The following DOCK8 variants were observed in gnomAD, a reference collection of about 807,000 sequenced individuals.
DOCK8 encodes dedicator of cytokinesis protein 8.
Under a neutral mutation model 245.6 loss-of-function variants are expected in DOCK8, and 141 were observed. The ratio of observed to expected loss-of-function variants is 0.57; its 90% confidence interval spans 0.50 to 0.66. The LOEUF is 0.66. DOCK8 is among the 30% of genes least tolerant of loss of function. The pLI, the probability that DOCK8 is intolerant of heterozygous loss-of-function variation, is 0.00. For missense variants in DOCK8, 2,965 were observed against 2,603.4 expected, an observed-to-expected ratio of 1.14 and a Z score of -3.02; for synonymous variants, 1,168 against 970.2, an observed-to-expected ratio of 1.20 and a Z score of -3.79.
chr9:388,553 A>AT (rs756868705), intron 23 of DOCK8, among the ~76,000 whole-genome samples: 6,996 of 144,620 alleles, frequency 0.048, 283 homozygotes, highest in African/African-American at 0.12. Context: ...TCTGTGGGTA[A>AT]TTTTTTTTTT....
At chr9:344,922 G>T (rs953024582) in intron 14 of DOCK8, among the ~76,000 whole-genome samples, 8 of 152,010 alleles carry the variant, frequency 5.3e-5, no homozygotes, top group African/African-American at 1.2e-4. Context: ...CGTGGTGGTG[G>T]GTGCCTGTAA....
At chr9:289,464 G>C (rs1229405546) in intron 3 of DOCK8, 46 bp from the exon 4 acceptor site, 1 of 1,510,122 alleles carries the variant, frequency 6.6e-7, no homozygotes, top group Admixed American at 1.7e-5. Flanking sequence ...TTGTTTTGTT[G>C]TTTTACCCAG....
At position 311,818 on chromosome 9, in the gene DOCK8, G is replaced by C. The variant is rs2050126177; in HGVS notation, c.529-136G>C. Reference sequence around the variant, plus strand: ...AGATGTCATTCTTATCAAATCCGCAGTTTCTTCAGAAGACTTGAGGCCTGG... The same window carrying C: ...AGATGTCATTCTTATCAAATCCGCACTTTCTTCAGAAGACTTGAGGCCTGG... On this transcript the variant is annotated intron_variant, in intron 5 of 47. Transcript: ENST00000432829. 3 of 1,072,924 alleles carry C rather than the reference G, an allele frequency of 2.8e-6. No homozygotes were observed. The South Asian group carries it at 3.8e-5, about 13-fold the overall frequency. 66.5% of individuals were successfully genotyped at this position (1,072,924 alleles called of 1,614,324 possible).
At chr9:410,330 CAT>C in intron 28 of DOCK8, among the ~76,000 whole-genome samples, 1 of 152,166 alleles carries the variant, frequency 6.6e-6, no homozygotes, top group South Asian at 2.1e-4. Context: ...TGTTGAATTT[CAT>C]AGTCTTTTGC....
intron 13 of DOCK8, 75 bp downstream of exon 13, chr9:339,174 C>T (rs1328242432): frequency 8.1e-7 from 1 of 1,234,178 alleles, no homozygotes; most frequent in East Asian, 2.4e-5. Context: ...TTGTCTAATG[C>T]CAGAATTTAT....
In DOCK8 at chr9:436,957, A is replaced by G. The variant is rs182368072; in HGVS notation, c.5079+1982A>G. Among the ~76,000 whole-genome samples the G allele has an allele frequency of 4.8e-4, 73 of 152,302 alleles. 1 individual carries two copies. Among genetic ancestry groups the G allele is most frequent in the African/African-American group, 1.7e-3 (71 of 41,552 alleles). On this transcript the variant is annotated intron_variant, in intron 39 of 47. Transcript: ENST00000432829. ...TCAGGGAAGGGTGAAGAAGGTGAAA[A>G]GGAAGGCAGAAGAAACTGAAGTGTG...
At chr9:316,955 AG>A (rs1173055714) in intron 6 of DOCK8, 87 bp from the exon 7 acceptor site, 29 of 1,026,228 alleles carry the variant, frequency 2.8e-5, no homozygotes, top group Non-Finnish European at 4.3e-5. Flanking sequence ...TGAGCCGTGG[AG>A]GGTAGCCTTC....
At chr9:410,813 C>T (rs2055686339) in intron 28 of DOCK8, among the ~76,000 whole-genome samples, 1 of 152,144 alleles carries the variant, frequency 6.6e-6, no homozygotes, top group African/African-American at 2.4e-5. Context: ...ACAAAATTCA[C>T]CAATCTTTAG....
intron 14 of DOCK8, 102 bp from the exon 15 acceptor site, chr9:367,916 G>T: frequency 1.0e-6 from 1 of 974,810 alleles, no homozygotes; most frequent in Non-Finnish European, 1.6e-6. Context: ...AAACTTCTTT[G>T]GAAAAAGCAC....
intron 27 of DOCK8, among the ~76,000 whole-genome samples, chr9:406,256 G>A (rs1055048819): frequency 6.6e-6 from 1 of 152,038 alleles, no homozygotes; most frequent in Non-Finnish European, 1.5e-5. Flanking sequence ...CATCTTCGGA[G>A]GCCAAAGGGA....
chr9:363,679 G>A (rs754544), intron 14 of DOCK8, among the ~76,000 whole-genome samples: 78,906 of 152,054 alleles, frequency 0.52, 23,633 homozygotes, highest in East Asian at 0.82. Flanking sequence ...AAAATGGGAT[G>A]TTGGACCAAA....
intron 14 of DOCK8, among the ~76,000 whole-genome samples, chr9:360,639 A>G (rs1239312419): frequency 6.6e-6 from 1 of 152,182 alleles, no homozygotes; most frequent in Non-Finnish European, 1.5e-5. Context: ...TTGAGGTTTT[A>G]CTTTTCATAT....
intron 1 of DOCK8, among the ~76,000 whole-genome samples, chr9:250,874 G>A (rs1232690226): frequency 6.6e-6 from 1 of 152,204 alleles, no homozygotes; most frequent in Admixed American, 6.5e-5. Context: ...ACAGAAGGGT[G>A]AGGGTGGTAG....
At chr9:446,235 C>A in intron 43 of DOCK8, 135 bp from the exon 44 acceptor site, 1 of 790,466 alleles carries the variant, frequency 1.3e-6, no homozygotes, top group South Asian at 1.4e-5. Context: ...GCCACATTCT[C>A]CCCTGCATCT....
chr9:420,063 T>C, intron 30 of DOCK8: 1 of 373,246 alleles, frequency 2.7e-6, no homozygotes, highest in South Asian at 2.6e-5. Flanking sequence ...AGCCTCTTTG[T>C]ATCACTGGGA....
chr9:452,446 A>G (rs2057499555), intron 46 of DOCK8: 1 of 178,576 alleles, frequency 5.6e-6, no homozygotes, highest in Non-Finnish European at 1.2e-5. Context: ...TTGTAAAACA[A>G]GTATCATCAT....
At chr9:297,369 C>T (rs1046623556) in intron 4 of DOCK8, among the ~76,000 whole-genome samples, 3 of 152,144 alleles carry the variant, frequency 2.0e-5, no homozygotes, top group Non-Finnish European at 4.4e-5. Context: ...ACCACACTGT[C>T]TTTAAAGAGA....
At chr9:216,070 G>C (rs1339809734) in intron 1 of DOCK8, among the ~76,000 whole-genome samples, 1 of 152,170 alleles carries the variant, frequency 6.6e-6, no homozygotes, top group African/African-American at 2.4e-5. Flanking sequence ...AAGGCGATAA[G>C]GTCTTCTAGA....
At chr9:415,680 G>C (rs1236223951) in intron 29 of DOCK8, among the ~76,000 whole-genome samples, 2 of 112,972 alleles carry the variant, frequency 1.8e-5, no homozygotes, top group Non-Finnish European at 3.5e-5. Context: ...GTGTGCACGT[G>C]TGTGCGCGCG....
Sources: allele counts gnomAD v4.1 joint callset (sites outside exome capture counted in the v4.1 genomes callset), GRCh38; gene constraint gnomAD v4.1.1; transcripts MANE v1.5; gene names NCBI Gene and HGNC (gene_info 2026-07-23, HGNC 2026-07-21).